Variants in LRRIQ3 observed in about 807,000 individuals in gnomAD.
LRRIQ3 encodes the protein leucine-rich repeat and IQ domain-containing protein 3.
A neutral mutation model predicts 59.3 loss-of-function variants in LRRIQ3; 75 were observed. The ratio of observed to expected loss-of-function variants is 1.26; its 90% confidence interval spans 1.05 to 1.53. LRRIQ3 has a LOEUF of 1.53. Ranked by LOEUF, LRRIQ3 falls within the 40% of genes most tolerant of loss-of-function variation. LRRIQ3 has a pLI of 0.00. For missense variants in LRRIQ3, 831 were observed against 710.0 expected (o/e 1.17, Z -1.94); for synonymous variants, 250 against 231.3 (o/e 1.08, Z -0.73).
At position 74,027,283 on chromosome 1, in the gene LRRIQ3, C is replaced by T. The variant is rs540674276; in HGVS notation, c.1719-314G>A. ...CCTCACTAAACCCAAGCTACTTCTT[C>T]GACTCTGTTATGGTCTGAATGCATT... On this transcript the variant is annotated intron_variant, in intron 7 of 7. Coordinates refer to ENST00000354431, the MANE Select transcript of LRRIQ3 (RefSeq NM_001105659.2). Among the ~76,000 whole-genome samples the T allele has an allele frequency of 5.3e-5, 8 of 152,150 alleles. No homozygotes were observed. In the South Asian group the frequency reaches 6.2e-4, roughly 12 times the overall value.
At chr1:74,033,612 G>C (rs1490706338) in intron 7 of LRRIQ3, among the ~76,000 whole-genome samples, 1 of 151,976 alleles carries the variant, frequency 6.6e-6, no homozygotes, top group African/African-American at 2.4e-5. Flanking sequence ...CGTCCGGTAG[G>C]ATAAAGATTG....
chr1:74,164,799 C>G (rs1415016010), intron 3 of LRRIQ3, among the ~76,000 whole-genome samples: 2 of 151,536 alleles, frequency 1.3e-5, no homozygotes, highest in Non-Finnish European at 3.0e-5. Context: ...TCTTACACAA[C>G]TGCTTGACCT....
chr1:74,142,093 T>C (rs1647283279), intron 4 of LRRIQ3, among the ~76,000 whole-genome samples: 1 of 151,924 alleles, frequency 6.6e-6, no homozygotes, highest in Non-Finnish European at 1.5e-5. Context: ...TTGTGAATAA[T>C]GTTGCAATGA....
chr1:74,027,219 A>C (rs1375609640), intron 7 of LRRIQ3, among the ~76,000 whole-genome samples: 2 of 152,030 alleles, frequency 1.3e-5, no homozygotes, highest in Non-Finnish European at 2.9e-5. Context: ...GAGGCATCTA[A>C]ACTACCCTAT....
At position 74,087,379 on chromosome 1, in the gene LRRIQ3, ATCTTT is replaced by A. The variant is rs1169084042; in HGVS notation, c.868-12594_868-12590del. On this transcript the variant is annotated intron_variant, in intron 5 of 7. Transcript: ENST00000354431. ...TCTGAATAGTATTATTTAAAATTTT[ATCTTT>A]TTTTTTTTTTTTTTTTTTTTTTTAC... Among the ~76,000 whole-genome samples, 6 of 20,948 alleles carry A rather than the reference ATCTTT, an allele frequency of 2.9e-4. No individual in the cohort carries two copies. In the Admixed American group the frequency reaches 3.3e-3, roughly 11 times the overall value. The allele number at this position is 20,948 out of a possible 152,430, so 13.7% of individuals were successfully genotyped here.
At position 74,101,196 on chromosome 1, in the gene LRRIQ3, TCAAA is replaced by T. The variant is rs370330035; in HGVS notation, c.867+8194_867+8197del. On this transcript the variant is annotated intron_variant, in intron 5 of 7. Transcript: ENST00000354431. Reference sequence around the variant, plus strand: ...CTAATAACCAGAATCTACAAAGCACTCAAACAAACTTACAAGAAAAAAACAAACA... The same window carrying T: ...CTAATAACCAGAATCTACAAAGCACTCAAACTTACAAGAAAAAAACAAACA... Among the ~76,000 whole-genome samples, 405 of 152,008 alleles carry T rather than the reference TCAAA, an allele frequency of 2.7e-3. 4 individuals carry two copies. The South Asian group carries it at 0.031, about 12-fold the overall frequency.
rs545547345 is a variant in LRRIQ3 at position 74,058,595 on chromosome 1, T to C, written c.997+16066A>G. Among the ~76,000 whole-genome samples, 8 of 151,958 alleles carry C rather than the reference T, an allele frequency of 5.3e-5. No homozygotes were observed. In the South Asian group the frequency reaches 1.2e-3, roughly 24 times the overall value. ...GTTGGAGAAGGGAAATAGTCAGAGG[T>C]TGGTTAACAGATACACAAATAGATA... On this transcript the variant is annotated intron_variant, in intron 6 of 7. Coordinates refer to ENST00000354431, the MANE Select transcript of LRRIQ3 (RefSeq NM_001105659.2).
chr1:74,095,709 A>T (rs1428989542), intron 5 of LRRIQ3, among the ~76,000 whole-genome samples: 1 of 152,160 alleles, frequency 6.6e-6, no homozygotes, highest in Non-Finnish European at 1.5e-5. Flanking sequence ...AACCATGGTC[A>T]CATGGGAACA....
At chr1:74,138,166 A>AC (rs78432281) in intron 4 of LRRIQ3, among the ~76,000 whole-genome samples, 15,276 of 82,826 alleles carry the variant, frequency 0.18, 788 homozygotes, top group East Asian at 0.25. Flanking sequence ...AAACAAACAA[A>AC]AAAAAAAAAC....
intron 5 of LRRIQ3, among the ~76,000 whole-genome samples, chr1:74,078,990 A>G (rs1467180020): frequency 6.6e-6 from 1 of 151,856 alleles, no homozygotes; most frequent in Admixed American, 6.6e-5. Flanking sequence ...CTACTTCCAA[A>G]ATATATTTTA....
intron 5 of LRRIQ3, chr1:74,082,603 T>A (rs1453655808): frequency 6.6e-6 from 1 of 151,618 alleles, no homozygotes; most frequent in Non-Finnish European, 1.5e-5. Context: ...CTTGCCAATA[T>A]TTTATTACTG....
intron 7 of LRRIQ3, among the ~76,000 whole-genome samples, chr1:74,033,817 G>A: frequency 6.6e-6 from 1 of 151,948 alleles, no homozygotes. Context: ...TGAAGATGAT[G>A]TAATTGAAAA....
chr1:74,090,749 C>T (rs1435693329), intron 5 of LRRIQ3, among the ~76,000 whole-genome samples: 1 of 151,482 alleles, frequency 6.6e-6, no homozygotes, highest in Admixed American at 6.6e-5. Flanking sequence ...TTTAACTTAG[C>T]TGGGTGTGGG....
chr1:74,093,298 C>T (rs1019281785), intron 5 of LRRIQ3, among the ~76,000 whole-genome samples: 1 of 152,118 alleles, frequency 6.6e-6, no homozygotes, highest in African/African-American at 2.4e-5. Flanking sequence ...GATGTTTTCA[C>T]AGGGAAAATA....
intron 3 of LRRIQ3, among the ~76,000 whole-genome samples, chr1:74,171,322 C>T (rs1649308984): frequency 6.6e-6 from 1 of 152,078 alleles, no homozygotes; most frequent in Non-Finnish European, 1.5e-5. Context: ...AAACTCTTTC[C>T]ATACATAATT....
chr1:74,065,738 C>T (rs1341816382), intron 6 of LRRIQ3, among the ~76,000 whole-genome samples: 2 of 152,028 alleles, frequency 1.3e-5, no homozygotes, highest in Admixed American at 6.6e-5. Context: ...AATATTAGCT[C>T]ACTCTTCTGG....
At chr1:74,146,952 C>A (rs1647607189) in intron 4 of LRRIQ3, among the ~76,000 whole-genome samples, 2 of 152,244 alleles carry the variant, frequency 1.3e-5, no homozygotes, top group Non-Finnish European at 1.5e-5. Context: ...GATTGGTCAG[C>A]CAAGGCGGCT....
Position 74,050,033 on chromosome 1 carries a change from C to G in LRRIQ3, c.998-8100G>C, listed in dbSNP as rs186073339. Among the ~76,000 whole-genome samples the G allele has an allele frequency of 2.5e-3, 380 of 151,478 alleles. 2 individuals carry two copies. Among genetic ancestry groups the G allele is most frequent in the African/African-American group, 8.5e-3 (352 of 41,284 alleles). ...CCGCCTCCCGGATTCAAGCAATTCTCCTGCCTCAGCCTCCTGAGTAGCTGG... is the reference window on the plus strand; with the variant it reads ...CCGCCTCCCGGATTCAAGCAATTCTGCTGCCTCAGCCTCCTGAGTAGCTGG... On this transcript the variant is annotated intron_variant, in intron 6 of 7. Coordinates refer to ENST00000354431, the MANE Select transcript of LRRIQ3 (RefSeq NM_001105659.2).
chr1:74,158,289 T>C (rs115427296), intron 3 of LRRIQ3, among the ~76,000 whole-genome samples: 3,208 of 152,252 alleles, frequency 0.021, 48 homozygotes, highest in Middle Eastern at 0.078. Context: ...GTAAATCTTA[T>C]CATATGACAT....
Sources: allele counts gnomAD v4.1 joint callset (sites outside exome capture counted in the v4.1 genomes callset), GRCh38; gene constraint gnomAD v4.1.1; transcripts MANE v1.5; gene names NCBI Gene and HGNC (gene_info 2026-07-23, HGNC 2026-07-21).